The following RNF32 variants were observed in gnomAD, a reference collection of about 807,000 sequenced individuals.
RNF32 encodes the protein ring finger protein 32.
In RNF32, 36 loss-of-function variants were observed where a neutral mutation model predicts 41.0. The ratio of observed to expected loss-of-function variants is 0.88; its 90% confidence interval spans 0.67 to 1.16. RNF32 has a LOEUF of 1.16. Ranked by LOEUF, RNF32 falls within the 50% of genes most tolerant of loss-of-function variation. RNF32 has a pLI of 0.00. For synonymous variants in RNF32, 154 were observed against 160.9 expected, an observed-to-expected ratio of 0.96 and a Z score of 0.32; for missense variants, 413 against 436.7, an observed-to-expected ratio of 0.95 and a Z score of 0.48.
intron 7 of RNF32, among the ~76,000 whole-genome samples, chr7:156,674,287 G>A (rs899589731): frequency 6.6e-6 from 1 of 152,188 alleles, no homozygotes; most frequent in African/African-American, 2.4e-5. Flanking sequence ...ACCCAGAAGA[G>A]ACATGAGCCA....
chr7:156,642,714 C>G (rs1797514356), intron 1 of RNF32, among the ~76,000 whole-genome samples: 1 of 152,232 alleles, frequency 6.6e-6, no homozygotes, highest in South Asian at 2.1e-4. Context: ...TGGCAGGGCA[C>G]ACTCACACTC....
intron 3 of RNF32, among the ~76,000 whole-genome samples, chr7:156,650,502 T>C (rs1190708348): frequency 1.3e-5 from 2 of 152,240 alleles, no homozygotes; most frequent in Non-Finnish European, 2.9e-5. Flanking sequence ...ATTTTAAACA[T>C]TATTACATTG....
rs1430988464 is a variant in RNF32, at chr7:156,640,944, C to T, written c.-78+133C>T. 1.6e-5 allele frequency: 3 copies of T among 183,878 alleles called. No homozygotes were observed. The East Asian group carries it at 5.7e-4, about 35-fold the overall frequency. The allele number at this position is 183,878 out of a possible 1,614,324, so 11.4% of individuals were successfully genotyped here. ...CGAGCCGGGCCGGCGATGGCCGCAG[C>T]TGTGAGGCGAGGTCGGGTCCCGTAG... On this transcript the variant is annotated intron_variant, in intron 1 of 8. Coordinates refer to ENST00000317955, the MANE Select transcript of RNF32 (RefSeq NM_030936.4).
Position 156,656,893 on chromosome 7 carries a change from C to T in RNF32, c.418-648C>T, listed in dbSNP as rs772420387. Among the ~76,000 whole-genome samples the T allele has an allele frequency of 3.3e-5, 5 of 152,334 alleles. No homozygotes were observed. The East Asian group carries it at 5.8e-4, about 18-fold the overall frequency. On this transcript the variant is annotated intron_variant, in intron 4 of 8. Transcript: ENST00000317955. ...GCAGGGCCTGGCGCTGGTGGGCTGG[C>T]GGCTGTCCCTTCTACTAAGTACCCA...
At chr7:156,662,067 T>C (rs1484203309) in intron 7 of RNF32, among the ~76,000 whole-genome samples, 1 of 152,232 alleles carries the variant, frequency 6.6e-6, no homozygotes, top group African/African-American at 2.4e-5. Context: ...TCAGATCTCA[T>C]GTTAAATAAA....
In RNF32 at chr7:156,676,690, A is replaced by T. The variant is rs1368526477; in HGVS notation, c.*35A>T. The T allele has an allele frequency of 1.9e-6, 3 of 1,542,100 alleles. No individual in the cohort carries two copies. The highest frequency in any genetic ancestry group is 2.7e-6 in the Non-Finnish European group (3 of 1,118,672). ...CAAGGAAAGTTAGGTAATTCTGAGG[A>T]AAAAAGTTTACCATCATTTTGGATG... On this transcript the variant is annotated 3_prime_UTR_variant, in exon 9 of 9. Transcript: ENST00000317955.
intron 7 of RNF32, chr7:156,659,147 T>G: frequency 8.0e-7 from 1 of 1,253,522 alleles, no homozygotes. Context: ...AGGACAGTCC[T>G]ACCCCATCAG....
intron 7 of RNF32, among the ~76,000 whole-genome samples, chr7:156,674,060 T>C (rs933837345): frequency 2.6e-5 from 4 of 152,244 alleles, no homozygotes; most frequent in African/African-American, 7.2e-5. Flanking sequence ...CATCCTTCTT[T>C]GTGCTTCAAG....
At chr7:156,661,099 G>A (rs1014833141) in intron 7 of RNF32, among the ~76,000 whole-genome samples, 1 of 152,206 alleles carries the variant, frequency 6.6e-6, no homozygotes, top group Non-Finnish European at 1.5e-5. Flanking sequence ...TGCCGGGCAT[G>A]GCCTTAGGTC....
chr7:156,672,044 G>A (rs1322646673), intron 7 of RNF32, among the ~76,000 whole-genome samples: 2 of 150,478 alleles, frequency 1.3e-5, no homozygotes, highest in Admixed American at 6.6e-5. Context: ...TTTCTTCTGT[G>A]GAATCAAACA....
rs747806487 is a variant in RNF32, at chr7:156,644,662, T to C, written c.179T>C (p.Ile60Thr). 3 of 1,612,980 alleles carry C rather than the reference T, an allele frequency of 1.9e-6. No homozygotes were observed. The highest frequency in any genetic ancestry group is 1.7e-5 in the Admixed American group (1 of 59,966). Residue 60 changes from isoleucine (I) to threonine (T), a missense_variant, in exon 3 of 9, where the codon ATA (isoleucine) becomes ACA (threonine). Transcript: ENST00000317955. ...CTAAAAAGAGATACAAAGGCAATAA[T>C]AGATACTGGACTTAAAAAAACTACA... is the stretch of plus-strand genomic sequence containing the variant. ...KSLKRDTKAI[I>T]DTGLKKTTQC...
intron 8 of RNF32, among the ~76,000 whole-genome samples, chr7:156,676,069 G>A (rs994462251): frequency 6.6e-6 from 1 of 152,054 alleles, no homozygotes; most frequent in Non-Finnish European, 1.5e-5. Flanking sequence ...CAGTCCCGGG[G>A]TAACCGCTGC....
intron 7 of RNF32, among the ~76,000 whole-genome samples, chr7:156,668,190 G>A (rs1312283973): frequency 2.6e-5 from 4 of 152,128 alleles, no homozygotes; most frequent in Non-Finnish European, 4.4e-5. Flanking sequence ...GTTAACACTG[G>A]GCAGCTGACG....
chr7:156,658,259 AC>A lies in RNF32; in HGVS notation c.575+8del. 6.2e-7 allele frequency: 1 copy of A among 1,612,708 alleles called. No homozygotes were observed. Among genetic ancestry groups the A allele is most frequent in the South Asian group, 1.1e-5 (1 of 90,786 alleles). On this transcript the variant is annotated splice_region_variant and intron_variant, in intron 6 of 8. Transcript: ENST00000317955. ...GAATCAAGTGTGTGACCAGGTGAGGACGCCAGGCCCGTTTGGCGCTAAGCAG... is the reference window on the plus strand; with the variant it reads ...GAATCAAGTGTGTGACCAGGTGAGGAGCCAGGCCCGTTTGGCGCTAAGCAG...
intron 3 of RNF32, among the ~76,000 whole-genome samples, chr7:156,648,093 G>A (rs930977057): frequency 1.3e-5 from 2 of 150,936 alleles, no homozygotes; most frequent in Non-Finnish European, 2.9e-5. Context: ...GTCCTTTGCT[G>A]AGAATTCTTC....
chr7:156,653,797 C>T (rs919212026), intron 3 of RNF32, among the ~76,000 whole-genome samples: 2 of 152,074 alleles, frequency 1.3e-5, no homozygotes, highest in African/African-American at 4.8e-5. Context: ...TTATTCTGAC[C>T]GTGATGATAC....
chr7:156,667,613 A>G (rs1000291425), intron 7 of RNF32, among the ~76,000 whole-genome samples: 1 of 152,220 alleles, frequency 6.6e-6, no homozygotes, highest in Non-Finnish European at 1.5e-5. Flanking sequence ...TACTAAGGTC[A>G]TCTAACCCAC....
chr7:156,657,712 C>A, intron 5 of RNF32, 139 bp downstream of exon 5: 1 of 814,214 alleles, frequency 1.2e-6, no homozygotes, highest in Non-Finnish European at 2.1e-6. Flanking sequence ...AGAAACATGA[C>A]TGTAGGCTGC....
rs1367659278 is a variant in RNF32 at position 156,647,931 on chromosome 7, G to A, written c.274+3174G>A. ...TTTTAATTTGCATTTCCCTGATGAC[G>A]AGTGACGACCATTTTTTCATGTTTG... On this transcript the variant is annotated intron_variant, in intron 3 of 8. Coordinates refer to ENST00000317955, the MANE Select transcript of RNF32 (RefSeq NM_030936.4). 5.3e-5 allele frequency among the ~76,000 whole-genome samples: 8 copies of A among 152,024 alleles called. No homozygotes were observed. In the East Asian group the frequency reaches 7.7e-4, roughly 15 times the overall value.
Sources: allele counts gnomAD v4.1 joint callset (sites outside exome capture counted in the v4.1 genomes callset), GRCh38; gene constraint gnomAD v4.1.1; transcripts MANE v1.5; gene names NCBI Gene and HGNC (gene_info 2026-07-23, HGNC 2026-07-21).